The following ZNF717 variants were observed in gnomAD, a reference collection of about 807,000 sequenced individuals.
The protein encoded by ZNF717 is zinc finger protein 717, also known as krueppel-like factor X17.
A neutral mutation model predicts 13.8 loss-of-function variants in ZNF717; 9 were observed. The ratio of observed to expected loss-of-function variants is 0.65; its 90% CI spans 0.39 to 1.14. The LOEUF (loss-of-function observed/expected upper bound fraction) is 1.14. Ranked by LOEUF, ZNF717 falls within the 50% of genes most tolerant of loss-of-function variation. The pLI, the probability that ZNF717 is intolerant of heterozygous loss-of-function variation, is 0.01. For synonymous variants in ZNF717, 327 were observed against 364.1 expected (o/e 0.90, Z 1.16); for missense variants, 1,040 against 1,080.7 (o/e 0.96, Z 0.53).
chr3:75,694,794 T>C (rs1394522416), intron 6 of ZNF717, among the ~76,000 whole-genome samples: 4 of 152,222 alleles, frequency 2.6e-5, no homozygotes, highest in Non-Finnish European at 4.4e-5. Context: ...TCATGTATTA[T>C]ATTGTTTTCA....
chr3:75,744,728 C>T (rs1940947664), intron 2 of ZNF717, among the ~76,000 whole-genome samples: 1 of 152,264 alleles, frequency 6.6e-6, no homozygotes, highest in Non-Finnish European at 1.5e-5. Context: ...CCTGACAAAA[C>T]TCCCCTCCTG....
chr3:75,716,924 G>A (rs1182458647), intron 4 of ZNF717, among the ~76,000 whole-genome samples: 2 of 152,182 alleles, frequency 1.3e-5, no homozygotes, highest in East Asian at 3.8e-4. Flanking sequence ...TAATTACAAT[G>A]TATTGGCAAC....
downstream of ZNF717, among the ~76,000 whole-genome samples, chr3:75,706,215 A>T: frequency 6.6e-6 from 1 of 152,310 alleles, no homozygotes; most frequent in Non-Finnish European, 1.5e-5. Context: ...ACCTAGCATT[A>T]TTAAAACGGT....
At chr3:75,728,123 T>C (rs1346597665), downstream of ZNF717, among the ~76,000 whole-genome samples, 1 of 152,228 alleles carries the variant, frequency 6.6e-6, no homozygotes, top group Non-Finnish European at 1.5e-5. Flanking sequence ...TGAAAAAACA[T>C]AAACATATAC....
chr3:75,718,211 G>T (rs1231688202), intron 4 of ZNF717, among the ~76,000 whole-genome samples: 4 of 152,166 alleles, frequency 2.6e-5, no homozygotes, highest in African/African-American at 9.7e-5. Flanking sequence ...CTTTTCTGCG[G>T]TGGGGAATGG....
chr3:75,781,937 T>A (rs186739793), intron 2 of ZNF717, among the ~76,000 whole-genome samples: 131 of 152,196 alleles, frequency 8.6e-4, no homozygotes, highest in African/African-American at 3.0e-3. Context: ...TTTTCTTCTG[T>A]AAGGTTGCTG....
intron 2 of ZNF717, among the ~76,000 whole-genome samples, chr3:75,744,105 T>C (rs2918525): frequency 0.26 from 38,711 of 151,198 alleles, 1,790 homozygotes; most frequent in East Asian, 0.46. Flanking sequence ...GGAAGAGAAA[T>C]AGACTGTGAA....
At chr3:75,698,508 G>A (rs1575757433) in intron 6 of ZNF717, among the ~76,000 whole-genome samples, 1 of 152,312 alleles carries the variant, frequency 6.6e-6, no homozygotes, top group Non-Finnish European at 1.5e-5. Context: ...CACTGCTTCA[G>A]CTCCAGGTGT....
Position 75,738,037 on chromosome 3 carries a change from T to G in ZNF717, c.1586A>C (p.His529Pro). 3.0e-6 allele frequency: 4 copies of G among 1,342,844 alleles called. No homozygotes were observed. Among genetic ancestry groups the G allele is most frequent in the Middle Eastern group, 2.0e-4 (1 of 5,060 alleles). The allele number at this position is 1,342,844 out of a possible 1,614,324, so 83.2% of individuals were successfully genotyped here. A position where few individuals can be genotyped will look rare whatever the true frequency, so the allele number is the denominator to read the frequency against. Residue 529 changes from histidine to proline, a missense_variant, in exon 5 of 5, where the codon CAT becomes CCT. His to Pro is a moderately conservative substitution (Grantham distance 77, BLOSUM62 -2). This residue lies in a region of ZNF717 where 873 missense variants were observed against 832.8 expected (regional missense o/e 1.05). Transcript: ENST00000652011. ...ACATGCGTATGGTTTTTCCCCAGCA[T>G]GAGTTCTCTGATGGACAGTGAGGAA... ...KSFLTVHQRT[H>P]AGEKPYACNE...
chr3:75,724,983 A>G (rs1938248608), downstream of ZNF717, among the ~76,000 whole-genome samples: 1 of 152,192 alleles, frequency 6.6e-6, no homozygotes, highest in Non-Finnish European at 1.5e-5. Context: ...TCCTCTCCAC[A>G]ACTTTATGAC....
At chr3:75,749,744 C>G (rs1349467330) in intron 2 of ZNF717, among the ~76,000 whole-genome samples, 3 of 151,290 alleles carry the variant, frequency 2.0e-5, no homozygotes, top group African/African-American at 4.9e-5. Context: ...TTGCCCCTCA[C>G]TAGGACTCCA....
chr3:75,730,724 T>C (rs1938480454), intron 5 of ZNF717: 4 of 646,834 alleles, frequency 6.2e-6, no homozygotes, highest in South Asian at 1.8e-5. Context: ...AAGTACAGAA[T>C]CCACAGAAAT....
Position 75,713,938 on chromosome 3 carries a change from C to T in ZNF717, n.667+2481G>A, listed in dbSNP as rs199649374. On this transcript the variant is annotated intron_variant and non_coding_transcript_variant, in intron 5 of 5. Transcript: ENST00000491507. ...GGTCATGTGTCCACTGGATGGGGGC[C>T]CTTCCCTGTTTGGCAGCTGAGGTGG... Among the ~76,000 whole-genome samples, 782 of 152,182 alleles carry T rather than the reference C, an allele frequency of 5.1e-3. 18 individuals are homozygous for T. In the East Asian group the frequency reaches 0.073, roughly 14 times the overall value.
downstream of ZNF717, among the ~76,000 whole-genome samples, chr3:75,705,555 G>T (rs1357566888): frequency 1.3e-5 from 2 of 152,300 alleles, no homozygotes; most frequent in African/African-American, 4.8e-5. Context: ...TGTGCAACGC[G>T]TTATTAATTT....
At chr3:75,725,336 G>A (rs1938258239), downstream of ZNF717, among the ~76,000 whole-genome samples, 1 of 152,218 alleles carries the variant, frequency 6.6e-6, no homozygotes, top group Non-Finnish European at 1.5e-5. Flanking sequence ...TCTTTAGCAA[G>A]GACTTGAAGA....
chr3:75,756,847 T>C (rs1487572801), intron 2 of ZNF717, among the ~76,000 whole-genome samples: 1 of 152,170 alleles, frequency 6.6e-6, no homozygotes, highest in South Asian at 2.1e-4. Flanking sequence ...GCTAATGTTT[T>C]GTATTTTTAG....
At chr3:75,781,455 A>G (rs1001012155) in intron 2 of ZNF717, among the ~76,000 whole-genome samples, 10 of 152,178 alleles carry the variant, frequency 6.6e-5, no homozygotes, top group Non-Finnish European at 2.9e-5. Flanking sequence ...AAACTCCTTT[A>G]AAGTTTTTCT....
chr3:75,723,806 C>A (rs1354307292), intron 4 of ZNF717, among the ~76,000 whole-genome samples: 7 of 152,084 alleles, frequency 4.6e-5, no homozygotes, highest in East Asian at 1.9e-4. Flanking sequence ...CTTAGCAGAT[C>A]GGGAAAGCGA....
downstream of ZNF717, among the ~76,000 whole-genome samples, chr3:75,732,700 C>G (rs146710589): frequency 6.6e-6 from 1 of 152,264 alleles, no homozygotes; most frequent in Non-Finnish European, 1.5e-5. Context: ...CTGTTGTTTA[C>G]AAATTACTTG....
Sources: allele counts gnomAD v4.1 joint callset (sites outside exome capture counted in the v4.1 genomes callset), GRCh38; gene constraint gnomAD v4.1.1; regional missense constraint gnomAD v4.1.1; transcripts MANE v1.5; gene names NCBI Gene and HGNC (gene_info 2026-07-23, HGNC 2026-07-21).